The following CLSTN2 variants were observed in gnomAD, a reference collection of about 807,000 sequenced individuals.
CLSTN2 encodes calsyntenin 2.
Under a neutral mutation model 101.2 loss-of-function variants are expected in CLSTN2, and 48 were observed. The observed-to-expected ratio is 0.47, with a 90% confidence interval of 0.38 to 0.60. The LOEUF is 0.60. Among genes scored for constraint, CLSTN2 ranks in the 20% least tolerant of loss-of-function variants. The pLI, the probability that CLSTN2 is intolerant of heterozygous loss-of-function variation, is 0.00. For missense variants in CLSTN2, 1,160 were observed against 1,238.2 expected, an observed-to-expected ratio of 0.94 and a Z score of 0.95; for synonymous variants, 481 against 463.6, an observed-to-expected ratio of 1.04 and a Z score of -0.48.
At chr3:140,033,876 GT>G (rs1223710183) in intron 1 of CLSTN2, among the ~76,000 whole-genome samples, 1 of 152,146 alleles carries the variant, frequency 6.6e-6, no homozygotes, top group Non-Finnish European at 1.5e-5. Context: ...CTACTGAGTT[GT>G]TATTTCTTTT....
chr3:140,282,741 G>A (rs2086860324), intron 2 of CLSTN2, among the ~76,000 whole-genome samples: 1 of 152,066 alleles, frequency 6.6e-6, no homozygotes, highest in Admixed American at 6.6e-5. Flanking sequence ...TGCCAGAGCT[G>A]GTGGCCAGAG....
intron 1 of CLSTN2, among the ~76,000 whole-genome samples, chr3:140,104,618 A>G (rs1458010821): frequency 2.6e-5 from 4 of 152,222 alleles, no homozygotes; most frequent in Admixed American, 1.3e-4. Context: ...ATTAAAGGAA[A>G]ACTTAAGTCC....
chr3:140,195,896 T>G lies in CLSTN2; in HGVS notation c.232+19823T>G, dbSNP rs557146962. Among the ~76,000 whole-genome samples the G allele has an allele frequency of 2.0e-5, 3 of 152,350 alleles. No individual in the cohort carries two copies. The South Asian group carries it at 6.2e-4, about 32-fold the overall frequency. ...TCATATATAAGAAACTATTACCTAT[T>G]GCATATAAACTATAAAGGGAATGAA... is the stretch of plus-strand genomic sequence containing the variant. On this transcript the variant is annotated intron_variant, in intron 2 of 16. Coordinates refer to ENST00000458420, the MANE Select transcript of CLSTN2 (RefSeq NM_022131.3).
chr3:140,348,521 C>G (rs1374102438), intron 2 of CLSTN2, among the ~76,000 whole-genome samples: 1 of 152,144 alleles, frequency 6.6e-6, no homozygotes, highest in Admixed American at 6.5e-5. Flanking sequence ...TCTGCTCTCC[C>G]AAGGGTATCT....
chr3:140,386,472 T>A (rs1639680188), intron 2 of CLSTN2, among the ~76,000 whole-genome samples: 1 of 152,206 alleles, frequency 6.6e-6, no homozygotes, highest in South Asian at 2.1e-4. Flanking sequence ...AGCTCTCTGA[T>A]TAACAGCTCT....
At chr3:140,536,037 G>A (rs1576616764) in intron 9 of CLSTN2, among the ~76,000 whole-genome samples, 2 of 152,040 alleles carry the variant, frequency 1.3e-5, no homozygotes, top group Middle Eastern at 6.8e-3. Flanking sequence ...ACACAAGAAT[G>A]CTGCGTTCCC....
chr3:139,974,098 C>CA (rs1394424768), intron 1 of CLSTN2, among the ~76,000 whole-genome samples: 7 of 152,214 alleles, frequency 4.6e-5, no homozygotes, highest in African/African-American at 1.7e-4. Context: ...TAGAACAACT[C>CA]AATCTTTATT....
rs184224580 is a variant in CLSTN2 at position 140,309,859 on chromosome 3, C to G, written c.233-93770C>G. Among the ~76,000 whole-genome samples the G allele has an allele frequency of 8.5e-5, 13 of 152,244 alleles. No homozygotes were observed. In the East Asian group the frequency reaches 2.5e-3, roughly 30 times the overall value. ...CTCTCAGGCCCGGGCTCTACACTCT[C>G]CTTCCCACTCTACTCAGCACATAAA... On this transcript the variant is annotated intron_variant, in intron 2 of 16. Coordinates refer to ENST00000458420, the MANE Select transcript of CLSTN2 (RefSeq NM_022131.3).
chr3:140,151,382 AAT>A (rs1396198705), intron 1 of CLSTN2, among the ~76,000 whole-genome samples: 2 of 152,016 alleles, frequency 1.3e-5, no homozygotes, highest in East Asian at 1.9e-4. Flanking sequence ...CAGAGCAGGG[AAT>A]ACCCATAACA....
At chr3:139,940,151 G>C (rs1411594004) in intron 1 of CLSTN2, among the ~76,000 whole-genome samples, 1 of 152,218 alleles carries the variant, frequency 6.6e-6, no homozygotes, top group Non-Finnish European at 1.5e-5. Context: ...TATCTCCAGA[G>C]CCTTGCCTCA....
intron 2 of CLSTN2, among the ~76,000 whole-genome samples, chr3:140,245,458 G>A (rs1370877146): frequency 1.3e-5 from 2 of 152,120 alleles, no homozygotes; most frequent in African/African-American, 4.8e-5. Context: ...GTGGACAAAT[G>A]GAACAGATAA....
chr3:140,395,636 G>T (rs1264618064), intron 2 of CLSTN2, among the ~76,000 whole-genome samples: 1 of 152,172 alleles, frequency 6.6e-6, no homozygotes, highest in African/African-American at 2.4e-5. Flanking sequence ...TCTGAAGTGG[G>T]AGGGTTTAAA....
At chr3:140,284,150 C>A (rs889204279) in intron 2 of CLSTN2, among the ~76,000 whole-genome samples, 2 of 152,032 alleles carry the variant, frequency 1.3e-5, no homozygotes, top group East Asian at 1.9e-4. Context: ...TGAAATAAAC[C>A]TTTATTCCAA....
intron 8 of CLSTN2, chr3:140,505,733 C>A (rs1037457328): frequency 6.6e-6 from 1 of 152,128 alleles, no homozygotes; most frequent in Non-Finnish European, 1.5e-5. Flanking sequence ...TTTTTTTAAA[C>A]TTGCAAGGAG....
intron 7 of CLSTN2, among the ~76,000 whole-genome samples, chr3:140,463,155 C>T (rs1344899995): frequency 6.6e-6 from 1 of 152,212 alleles, no homozygotes; most frequent in Non-Finnish European, 1.5e-5. Context: ...TTCCATGATT[C>T]CTCCTCAGCC....
intron 1 of CLSTN2, among the ~76,000 whole-genome samples, chr3:140,038,497 G>A (rs2007701725): frequency 6.6e-6 from 1 of 152,000 alleles, no homozygotes; most frequent in Non-Finnish European, 1.5e-5. Context: ...TAGGTTGTCT[G>A]TTCACTCTGA....
At chr3:140,291,121 A>G (rs2086947389) in intron 2 of CLSTN2, among the ~76,000 whole-genome samples, 1 of 152,184 alleles carries the variant, frequency 6.6e-6, no homozygotes, top group Non-Finnish European at 1.5e-5. Context: ...AAAGGGGGCT[A>G]ATATTAATAG....
chr3:140,386,048 G>GATAA (rs1159972179), intron 2 of CLSTN2, among the ~76,000 whole-genome samples: 16 of 152,156 alleles, frequency 1.1e-4, no homozygotes, highest in Non-Finnish European at 2.1e-4. Context: ...GCATGAAGGT[G>GATAA]CCACCATTCA....
intron 1 of CLSTN2, among the ~76,000 whole-genome samples, chr3:140,170,121 C>A (rs2107824918): frequency 6.6e-6 from 1 of 152,208 alleles, no homozygotes; most frequent in Non-Finnish European, 1.5e-5. Context: ...AAGCTGTGAT[C>A]ATAGGAACAT....
Sources: allele counts gnomAD v4.1 joint callset (sites outside exome capture counted in the v4.1 genomes callset), GRCh38; gene constraint gnomAD v4.1.1; transcripts MANE v1.5; gene names NCBI Gene and HGNC (gene_info 2026-07-23, HGNC 2026-07-21).